Variants in ITGA9 observed in about 807,000 individuals in gnomAD.
ITGA9 encodes integrin subunit alpha 9, also known as integrin alpha-9.
ITGA9 carries 56 observed loss-of-function variants against 127.8 expected under a neutral mutation model. The ratio of observed to expected loss-of-function variants is 0.44; its 90% confidence interval spans 0.35 to 0.55. The LOEUF (loss-of-function observed/expected upper bound fraction) is 0.55, where lower values mean the gene tolerates loss of function less well. Ranked by LOEUF, ITGA9 falls within the 20% of genes least tolerant of loss-of-function variation. The probability of loss-of-function intolerance (pLI) is 0.00; values close to 1 mark genes in which losing one functional copy is unlikely to be tolerated. For synonymous variants in ITGA9, 508 were observed against 514.5 expected (o/e 0.99, Z 0.17); for missense variants, 1,196 against 1,347.1 (o/e 0.89, Z 1.76).
intron 27 of ITGA9, chr3:37,807,825 G>A (rs961555757): frequency 6.6e-6 from 1 of 152,390 alleles, no homozygotes; most frequent in African/African-American, 2.4e-5. Context: ...AGGGTTTGCT[G>A]ACCAGTTGGA....
chr3:37,531,088 G>A (rs183845), intron 13 of ITGA9, among the ~76,000 whole-genome samples: 88,730 of 151,662 alleles, frequency 0.59, 26,404 homozygotes, highest in East Asian at 0.82. Context: ...CACTGAAAGC[G>A]CTTGTGGTGC....
intron 15 of ITGA9, among the ~76,000 whole-genome samples, chr3:37,556,495 G>A (rs968420963): frequency 6.6e-6 from 1 of 152,206 alleles, no homozygotes; most frequent in Non-Finnish European, 1.5e-5. Context: ...GAGCTGGCAC[G>A]TTCTTTCTCT....
At chr3:37,491,188 G>T (rs983911618) in intron 4 of ITGA9, among the ~76,000 whole-genome samples, 24 of 151,982 alleles carry the variant, frequency 1.6e-4, no homozygotes, top group African/African-American at 5.8e-4. Context: ...TGTTCCCCAG[G>T]CTGATTTTCA....
intron 15 of ITGA9, among the ~76,000 whole-genome samples, chr3:37,611,203 G>A (rs1190184644): frequency 2.6e-5 from 4 of 152,176 alleles, no homozygotes; most frequent in Non-Finnish European, 5.9e-5. Flanking sequence ...TCTATGCACT[G>A]TGCTAAAGGG....
intron 21 of ITGA9, 58 bp from the exon 22 acceptor site, chr3:37,743,868 T>G (rs1696467370): frequency 8.8e-7 from 1 of 1,138,052 alleles, no homozygotes; most frequent in African/African-American, 1.5e-5. Context: ...AGAATGGCAG[T>G]GACCATGGGT....
intron 23 of ITGA9, among the ~76,000 whole-genome samples, chr3:37,761,359 A>G (rs914282054): frequency 7.2e-5 from 11 of 152,224 alleles, no homozygotes; most frequent in Non-Finnish European, 2.9e-5. Context: ...AAATTTTCAC[A>G]TAATATATCC....
At chr3:37,614,842 T>C (rs569104052) in intron 15 of ITGA9, among the ~76,000 whole-genome samples, 3,673 of 152,294 alleles carry the variant, frequency 0.024, 126 homozygotes, top group African/African-American at 0.082. Context: ...CTGAAGTTGC[T>C]TATCAGCTTA....
intron 18 of ITGA9, among the ~76,000 whole-genome samples, chr3:37,696,551 G>C (rs778226913): frequency 3.3e-5 from 5 of 152,138 alleles, no homozygotes; most frequent in Non-Finnish European, 7.3e-5. Context: ...CAGAACCCCT[G>C]TCCTTCAGAC....
At chr3:37,685,177 A>G (rs1700771119) in intron 18 of ITGA9, among the ~76,000 whole-genome samples, 1 of 152,200 alleles carries the variant, frequency 6.6e-6, no homozygotes, top group South Asian at 2.1e-4. Flanking sequence ...TACATTGAGC[A>G]GGTCAACGGC....
At position 37,513,782 on chromosome 3, in the gene ITGA9, C is replaced by T. The variant is rs778182709; in HGVS notation, c.917C>T (p.Ser306Phe). 5.0e-6 allele frequency: 8 copies of T among 1,614,082 alleles called. No homozygotes were observed. The highest frequency in any genetic ancestry group is 1.3e-5 in the African/African-American group (1 of 75,028). ...SGKKMGSYFG[S>F]SLCAVDLNGD... The stretch of plus-strand genomic sequence containing the variant: ...TTGCAGATGGGCTCTTACTTCGGCT[C>T]CTCCTTGTGCGCAGTTGACCTGAAT... Residue 306 changes from serine (S) to phenylalanine (F), a missense_variant, in exon 9 of 28, where the codon TCC becomes TTC. By Grantham distance (155) the Ser-to-Phe change is radical (BLOSUM62 -2). Coordinates refer to ENST00000264741, the MANE Select transcript of ITGA9 (RefSeq NM_002207.3).
intron 15 of ITGA9, among the ~76,000 whole-genome samples, chr3:37,611,135 G>A (rs114735454): frequency 7.4e-4 from 113 of 152,244 alleles, no homozygotes; most frequent in African/African-American, 2.5e-3. Context: ...GCCTTTCTTA[G>A]GAATGGTGGT....
chr3:37,807,995 G>GGAGGCTAGGAGAC (rs1697319068), intron 27 of ITGA9: 1 of 152,178 alleles, frequency 6.6e-6, no homozygotes, highest in South Asian at 2.1e-4. Flanking sequence ...GGTGCTTAGA[G>GGAGGCTAGGAGAC]GAGGCTAGGA....
At chr3:37,784,059 G>C (rs1480583403) in intron 25 of ITGA9, among the ~76,000 whole-genome samples, 1 of 152,204 alleles carries the variant, frequency 6.6e-6, no homozygotes, top group Non-Finnish European at 1.5e-5. Context: ...GGTAGATGTA[G>C]GTGGGGACAC....
chr3:37,461,629 C>G (rs559534516), intron 1 of ITGA9, among the ~76,000 whole-genome samples: 246 of 152,200 alleles, frequency 1.6e-3, no homozygotes, highest in Middle Eastern at 3.2e-3. Flanking sequence ...AGTGTTGACA[C>G]TCAACACTGA....
At chr3:37,510,824 C>T (rs1054603518) in intron 8 of ITGA9, among the ~76,000 whole-genome samples, 8 of 152,170 alleles carry the variant, frequency 5.3e-5, no homozygotes, top group African/African-American at 1.9e-4. Flanking sequence ...CTTCTTTCTG[C>T]CACTCACTCA....
intron 17 of ITGA9, among the ~76,000 whole-genome samples, chr3:37,660,167 G>A (rs140532487): frequency 5.3e-5 from 8 of 152,280 alleles, no homozygotes; most frequent in Non-Finnish European, 5.9e-5. Flanking sequence ...ACATTAGTAC[G>A]AAGGACCTCC....
At chr3:37,601,865 A>C (rs527546380) in intron 15 of ITGA9, among the ~76,000 whole-genome samples, 1 of 152,322 alleles carries the variant, frequency 6.6e-6, no homozygotes, top group Admixed American at 6.5e-5. Context: ...GGTGTACAAG[A>C]AGCATGATGC....
chr3:37,608,773 G>A (rs1437808322), intron 15 of ITGA9, among the ~76,000 whole-genome samples: 1 of 152,122 alleles, frequency 6.6e-6, no homozygotes, highest in Admixed American at 6.6e-5. Flanking sequence ...ACGTCTAGAG[G>A]ATTTTTGTTG....
intron 18 of ITGA9, among the ~76,000 whole-genome samples, chr3:37,687,104 A>G (rs1007981106): frequency 6.6e-6 from 1 of 152,244 alleles, no homozygotes; most frequent in African/African-American, 2.4e-5. Flanking sequence ...TTTACAGAGC[A>G]TCTACTTTTT....
Sources: allele counts gnomAD v4.1 joint callset (sites outside exome capture counted in the v4.1 genomes callset), GRCh38; gene constraint gnomAD v4.1.1; transcripts MANE v1.5; gene names NCBI Gene and HGNC (gene_info 2026-07-23, HGNC 2026-07-21).